MDGA1: variants seen among roughly 807,000 people sequenced by gnomAD.
MDGA1 encodes the protein MAM domain-containing glycosylphosphatidylinositol anchor protein 1.
Under a neutral mutation model 101.5 loss-of-function variants are expected in MDGA1, and 54 were observed. The ratio of observed to expected loss-of-function variants is 0.53; its 90% confidence interval spans 0.43 to 0.67. The LOEUF is 0.67. Among genes scored for constraint, MDGA1 ranks in the 30% least tolerant of loss-of-function variants. The probability of loss-of-function intolerance (pLI) is 0.00; values close to 1 mark genes in which losing one functional copy is unlikely to be tolerated. For missense variants in MDGA1, 1,083 were observed against 1,323.8 expected, an observed-to-expected ratio of 0.82 and a Z score of 2.82; for synonymous variants, 533 against 558.3, an observed-to-expected ratio of 0.95 and a Z score of 0.64.
chr6:37,641,846 G>T (rs529030256), intron 14 of MDGA1: 1 of 152,092 alleles, frequency 6.6e-6, no homozygotes, highest in Non-Finnish European at 1.5e-5. Context: ...CCCAGCCACG[G>T]GCAAAATGAT....
intron 3 of MDGA1, among the ~76,000 whole-genome samples, 170 bp from the exon 4 acceptor site, chr6:37,656,066 A>G (rs1057276949): frequency 7.1e-6 from 1 of 141,282 alleles, no homozygotes; most frequent in Non-Finnish European, 1.5e-5. Context: ...GGCAGGGGAT[A>G]GGACTTTTTC....
intron 1 of MDGA1, among the ~76,000 whole-genome samples, chr6:37,666,191 C>CAAAAAAAAAAAA (rs146449734): frequency 8.2e-6 from 1 of 122,228 alleles, no homozygotes; most frequent in African/African-American, 2.9e-5. Context: ...ACTAAAAATA[C>CAAAAAAAAAAAA]AAAAAAAAAA....
Position 37,652,164 on chromosome 6 carries a change from T to C in MDGA1, c.1159A>G (p.Thr387Ala), listed in dbSNP as rs1002351084. Reference sequence around the variant, plus strand: ...GCGGGCAGCTCAGGATCATTGCGGGTCACCAGCAGCCGCTTGGACATGCGT... The same window carrying C: ...GCGGGCAGCTCAGGATCATTGCGGGCCACCAGCAGCCGCTTGGACATGCGT... ...PARMSKRLLV[T>A]RNDPELPAVT... Residue 387 changes from threonine to alanine, a missense_variant, in exon 7 of 17, where the codon ACC becomes GCC. Physicochemically the swap from Thr to Ala is moderately conservative, Grantham distance 58. This residue lies in a region of MDGA1 where 116 missense variants were observed against 196.6 expected (regional missense o/e 0.59). Coordinates refer to ENST00000434837, the MANE Select transcript of MDGA1 (RefSeq NM_153487.4). The surrounding 1 kb of genome is among the most constrained non-coding windows in gnomAD (Gnocchi z 4.3). The C allele has an allele frequency of 1.2e-6, 2 of 1,613,832 alleles. No individual in the cohort carries two copies. Among genetic ancestry groups the C allele is most frequent in the African/African-American group, 2.7e-5 (2 of 74,916 alleles).
chr6:37,650,455 C>A, intron 7 of MDGA1, 50 bp from the exon 8 acceptor site: 1 of 1,436,392 alleles, frequency 7.0e-7, no homozygotes, highest in East Asian at 2.5e-5. Flanking sequence ...AGTTAGAGCT[C>A]CCCACTGGGC....
At chr6:37,654,982 G>T in intron 4 of MDGA1, 50 bp from the exon 5 acceptor site, 1 of 1,602,444 alleles carries the variant, frequency 6.2e-7, no homozygotes, top group Non-Finnish European at 8.5e-7. Context: ...AGTCTCCAGG[G>T]ATCCCGCATA....
At chr6:37,658,810 A>G (rs1761555571) in intron 2 of MDGA1, among the ~76,000 whole-genome samples, 3 of 152,086 alleles carry the variant, frequency 2.0e-5, no homozygotes. Flanking sequence ...GGCTCTACTA[A>G]AAATACAAAA....
At chr6:37,663,877 G>A (rs1761681243) in intron 2 of MDGA1, 90 bp downstream of exon 2, 2 of 1,445,842 alleles carry the variant, frequency 1.4e-6, no homozygotes, top group African/African-American at 1.4e-5. Context: ...TGCATCGTGA[G>A]TCCTCATCTC....
At chr6:37,673,816 G>C (rs1761921685) in intron 1 of MDGA1, among the ~76,000 whole-genome samples, 1 of 152,148 alleles carries the variant, frequency 6.6e-6, no homozygotes, top group Non-Finnish European at 1.5e-5. Flanking sequence ...AGCCTTGCCT[G>C]AACGCAGAGC....
chr6:37,641,338 A>C (rs1764072667), intron 14 of MDGA1, among the ~76,000 whole-genome samples: 1 of 152,144 alleles, frequency 6.6e-6, no homozygotes, highest in South Asian at 2.1e-4. Context: ...CAGGTATCTC[A>C]TATCACTGCG....
At chr6:37,687,106 A>G (rs746206653) in intron 1 of MDGA1, among the ~76,000 whole-genome samples, 27 of 152,152 alleles carry the variant, frequency 1.8e-4, no homozygotes, top group Non-Finnish European at 3.2e-4. Flanking sequence ...AAGTCACTCA[A>G]TGTGAACCTC....
At chr6:37,695,706 CATT>C (rs1336690736) in intron 1 of MDGA1, among the ~76,000 whole-genome samples, 3 of 152,228 alleles carry the variant, frequency 2.0e-5, no homozygotes, top group East Asian at 1.9e-4. Context: ...AAAGAGGAAT[CATT>C]AGTCCCTCCA....
intron 1 of MDGA1, among the ~76,000 whole-genome samples, chr6:37,678,602 T>G (rs1413948525): frequency 6.6e-6 from 1 of 151,858 alleles, no homozygotes; most frequent in Non-Finnish European, 1.5e-5. Flanking sequence ...CCCTCCCCAC[T>G]CCAGCCACAT....
intron 3 of MDGA1, among the ~76,000 whole-genome samples, chr6:37,657,938 C>T (rs900021976): frequency 2.6e-5 from 4 of 152,202 alleles, no homozygotes; most frequent in Admixed American, 6.5e-5. Context: ...GAGGCTACCC[C>T]GCTCCATGCC....
In MDGA1 at chr6:37,696,688, T is replaced by C; in HGVS notation, c.67+57A>G. 15 of 1,509,702 alleles carry C rather than the reference T, an allele frequency of 9.9e-6. No homozygotes were observed. Among genetic ancestry groups the C allele is most frequent in the South Asian group, 8.4e-5 (7 of 83,214 alleles). The allele number at this position is 1,509,702 out of a possible 1,614,324, so 93.5% of individuals were successfully genotyped here. A position where few individuals can be genotyped will look rare whatever the true frequency, so the allele number is the denominator to read the frequency against. On this transcript the variant is annotated intron_variant, in intron 1 of 16. Coordinates refer to ENST00000434837, the MANE Select transcript of MDGA1 (RefSeq NM_153487.4). The surrounding 1 kb of genome is among the most constrained non-coding windows in gnomAD (Gnocchi z 5.6). ...ACCCCGGCAGCGCGCACTTTGCGCC[T>C]CTTGCAAAGTTTCCGCGCGAGGTTA...
At position 37,646,368 on chromosome 6, in the gene MDGA1, T is replaced by C; in HGVS notation, c.2054A>G (p.Gln685Arg). The C allele has an allele frequency of 6.6e-7, 1 of 1,516,084 alleles. No individual in the cohort carries two copies. Among genetic ancestry groups the C allele is most frequent in the Non-Finnish European group, 8.9e-7 (1 of 1,127,526 alleles). 93.9% of individuals were successfully genotyped at this position (1,516,084 alleles called of 1,614,324 possible). A position where few individuals can be genotyped will look rare whatever the true frequency, so the allele number is the denominator to read the frequency against. Residue 685 changes from glutamine (Q) to arginine (R), a missense_variant, in exon 11 of 17, where the codon CAG becomes CGG. By Grantham distance (43) the Gln-to-Arg change is conservative (BLOSUM62 1). Coordinates refer to ENST00000434837, the MANE Select transcript of MDGA1 (RefSeq NM_153487.4). Reference protein sequence around the residue: ...NYRLSIRQLNQHNAVVKAIPV... With the variant: ...NYRLSIRQLNRHNAVVKAIPV... ...GATGGCCTTGACCACCGCATTGTGC[T>C]GGTTCAACTGTTAAGTACAGAGAGT...
Position 37,647,341 on chromosome 6 carries a change from G to A in MDGA1, c.1895-17C>T, listed in dbSNP as rs1023431108. On this transcript the variant is annotated splice_polypyrimidine_tract_variant and intron_variant, in intron 9 of 16. Coordinates refer to ENST00000434837, the MANE Select transcript of MDGA1 (RefSeq NM_153487.4). ...AGGCTTTGGCTAAGAGGGCGGGGAGGGGGGCATTGGGCCGTGGAGGGTGCA... is the reference window on the plus strand; with the variant it reads ...AGGCTTTGGCTAAGAGGGCGGGGAGAGGGGCATTGGGCCGTGGAGGGTGCA... The A allele has an allele frequency of 6.6e-7, 1 of 1,508,044 alleles. No individual in the cohort carries two copies. Among genetic ancestry groups the A allele is most frequent in the Non-Finnish European group, 8.9e-7 (1 of 1,117,356 alleles). 93.4% of individuals were successfully genotyped at this position (1,508,044 alleles called of 1,614,324 possible). A position where few individuals can be genotyped will look rare whatever the true frequency, so the allele number is the denominator to read the frequency against.
At chr6:37,669,539 C>G (rs1402073342) in intron 1 of MDGA1, among the ~76,000 whole-genome samples, 1 of 152,166 alleles carries the variant, frequency 6.6e-6, no homozygotes, top group Non-Finnish European at 1.5e-5. Flanking sequence ...CTCATCACCC[C>G]CCACTGAGTT....
rs142960358 is a variant in MDGA1, at chr6:37,649,070, G to T, written c.1806C>A (p.Leu602=). The part of the protein sequence containing the change: ...AEAPDHAELR[L]DAVTRDSSGS... ...CGCTGCTGTCGCGAGTTACGGCGTC[G>T]AGGCGCAGCTCCGCGTGATCCGGCG... is the stretch of plus-strand genomic sequence containing the variant. The change falls in exon 9 of 17, where the codon CTC becomes CTA. Residue 602 remains leucine (L), a synonymous_variant. Coordinates refer to ENST00000434837, the MANE Select transcript of MDGA1 (RefSeq NM_153487.4). 13 of 1,541,542 alleles carry T rather than the reference G, an allele frequency of 8.4e-6. No individual in the cohort carries two copies. Among genetic ancestry groups the T allele is most frequent in the Non-Finnish European group, 1.0e-5 (12 of 1,144,448 alleles).
At chr6:37,682,473 G>C (rs1762116715) in intron 1 of MDGA1, among the ~76,000 whole-genome samples, 1 of 152,188 alleles carries the variant, frequency 6.6e-6, no homozygotes, top group Admixed American at 6.5e-5. Context: ...GACAGAGAGA[G>C]ACTCTGCCTC....
Sources: gnomAD v4.1 joint callset for allele counts (sites outside exome capture counted in the v4.1 genomes callset) on GRCh38, gnomAD v4.1.1 for gene constraint, gnomAD v4.1.1 regional missense constraint, Gnocchi (gnomAD v3.1) non-coding constraint, MANE v1.5 for transcripts, NCBI Gene and HGNC (gene_info 2026-07-23, HGNC 2026-07-21) for gene names.